The following PRKCE variants were observed in gnomAD, a reference collection of about 807,000 sequenced individuals.
The protein encoded by PRKCE is protein kinase C epsilon type.
A neutral mutation model predicts 85.4 loss-of-function variants in PRKCE; 16 were observed. The ratio of observed to expected loss-of-function variants is 0.19; its 90% confidence interval spans 0.13 to 0.28. The LOEUF is 0.28. Ranked by LOEUF, PRKCE falls within the 10% of genes least tolerant of loss-of-function variation. The pLI is 1.00. For missense variants in PRKCE, 573 were observed against 975.2 expected (o/e 0.59, Z 5.49); for synonymous variants, 388 against 371.5 (o/e 1.04, Z -0.51).
chr2:46,031,489 C>T (rs1044008251), intron 10 of PRKCE, among the ~76,000 whole-genome samples: 8 of 152,060 alleles, frequency 5.3e-5, no homozygotes, highest in South Asian at 2.1e-4. Context: ...ATACATACCA[C>T]GACTAGCTAT....
intron 1 of PRKCE, among the ~76,000 whole-genome samples, chr2:45,682,438 T>A (rs936795001): frequency 2.9e-4 from 44 of 152,240 alleles, no homozygotes; most frequent in African/African-American, 1.1e-3. Flanking sequence ...ATTTATTTAT[T>A]TTTTTTGAGA....
intron 2 of PRKCE, among the ~76,000 whole-genome samples, chr2:45,888,536 G>A (rs987855165): frequency 4.2e-5 from 6 of 141,560 alleles, no homozygotes; most frequent in Admixed American, 7.7e-5. Flanking sequence ...GCAATGGCGC[G>A]ATCTCCTGGG....
chr2:45,851,992 C>T (rs950141412), intron 2 of PRKCE: 5 of 152,348 alleles, frequency 3.3e-5, no homozygotes, highest in African/African-American at 1.2e-4. Context: ...ACTCCAGGAA[C>T]CACTTGCCTC....
At chr2:45,947,054 C>A (rs1038031197) in intron 2 of PRKCE, among the ~76,000 whole-genome samples, 2 of 152,238 alleles carry the variant, frequency 1.3e-5, no homozygotes, top group Non-Finnish European at 2.9e-5. Flanking sequence ...CAACCTCTCT[C>A]CATCACCTGG....
rs151174165 is a variant in PRKCE at position 46,020,842 on chromosome 2, G to C, written c.1437+10325G>C. Among the ~76,000 whole-genome samples the C allele has an allele frequency of 3.2e-3, 493 of 152,318 alleles. 1 individual carries two copies. Among genetic ancestry groups the C allele is most frequent in the African/African-American group, 0.011 (474 of 41,554 alleles). On this transcript the variant is annotated intron_variant, in intron 10 of 14. Coordinates refer to ENST00000306156, the MANE Select transcript of PRKCE (RefSeq NM_005400.3). ...AAGACAGTATGTGATAAAGAGGAAGGAGAGACGTATTTATTGAGCACCTAT... is the reference window on the plus strand; with the variant it reads ...AAGACAGTATGTGATAAAGAGGAAGCAGAGACGTATTTATTGAGCACCTAT...
chr2:45,961,244 C>G (rs572708640), intron 2 of PRKCE, among the ~76,000 whole-genome samples: 1 of 152,172 alleles, frequency 6.6e-6, no homozygotes, highest in African/African-American at 2.4e-5. Context: ...TTTCCCCCCC[C>G]GATTTGGTTG....
At chr2:46,099,077 G>T (rs1329387417) in intron 11 of PRKCE, among the ~76,000 whole-genome samples, 2 of 152,044 alleles carry the variant, frequency 1.3e-5, no homozygotes, top group Non-Finnish European at 2.9e-5. Flanking sequence ...TTGCTTCTGG[G>T]TCTCTTCTTC....
intron 12 of PRKCE, among the ~76,000 whole-genome samples, chr2:46,150,820 GA>G (rs1161223876): frequency 6.6e-6 from 1 of 152,214 alleles, no homozygotes; most frequent in African/African-American, 2.4e-5. Flanking sequence ...CTGGAAGACA[GA>G]CTGTCGATGT....
chr2:45,842,131 A>C (rs1691401239), intron 1 of PRKCE, among the ~76,000 whole-genome samples: 1 of 152,166 alleles, frequency 6.6e-6, no homozygotes, highest in African/African-American at 2.4e-5. Flanking sequence ...GATGTCTTTA[A>C]CTACAAGAGG....
At chr2:45,956,687 A>T (rs1361259210) in intron 2 of PRKCE, among the ~76,000 whole-genome samples, 1 of 152,186 alleles carries the variant, frequency 6.6e-6, no homozygotes, top group Non-Finnish European at 1.5e-5. Flanking sequence ...TCGGTCTCAC[A>T]CAAAGAAAAA....
intron 1 of PRKCE, among the ~76,000 whole-genome samples, chr2:45,801,359 A>G (rs1687852176): frequency 6.7e-6 from 1 of 150,050 alleles, no homozygotes; most frequent in Non-Finnish European, 1.5e-5. Context: ...GGAGAAGGCC[A>G]GAGGAGGGAA....
chr2:45,955,149 A>T (rs548386477), intron 2 of PRKCE, among the ~76,000 whole-genome samples: 1 of 152,148 alleles, frequency 6.6e-6, no homozygotes, highest in Non-Finnish European at 1.5e-5. Flanking sequence ...AATAGTAAAG[A>T]CTCCAAGTAC....
intron 9 of PRKCE, among the ~76,000 whole-genome samples, chr2:46,008,861 G>A (rs1440654902): frequency 6.6e-6 from 1 of 152,222 alleles, no homozygotes; most frequent in Non-Finnish European, 1.5e-5. Context: ...GAACTTAGAT[G>A]ACTTTGGAGC....
intron 2 of PRKCE, among the ~76,000 whole-genome samples, chr2:45,854,483 A>G (rs1332386889): frequency 1.3e-5 from 2 of 152,208 alleles, no homozygotes; most frequent in Non-Finnish European, 2.9e-5. Context: ...ATGATGAGGT[A>G]TAGTGGGAGG....
intron 3 of PRKCE, among the ~76,000 whole-genome samples, chr2:45,977,708 A>G (rs1702570508): frequency 1.3e-5 from 2 of 151,992 alleles, no homozygotes; most frequent in Non-Finnish European, 2.9e-5. Flanking sequence ...GCCCCATTCC[A>G]CTAACAATAC....
At chr2:45,748,337 A>T (rs941375121) in intron 1 of PRKCE, among the ~76,000 whole-genome samples, 1 of 152,236 alleles carries the variant, frequency 6.6e-6, no homozygotes, top group African/African-American at 2.4e-5. Flanking sequence ...TAAGAGTGGC[A>T]GAAGCAGGAT....
At chr2:46,144,763 T>A (rs760611074) in intron 11 of PRKCE, among the ~76,000 whole-genome samples, 3 of 152,218 alleles carry the variant, frequency 2.0e-5, no homozygotes, top group African/African-American at 4.8e-5. Flanking sequence ...TGCTTCTTTC[T>A]TTCATAGCAG....
At chr2:45,796,805 T>A (rs76648642) in intron 1 of PRKCE, among the ~76,000 whole-genome samples, 1,703 of 152,282 alleles carry the variant, frequency 0.011, 29 homozygotes, top group African/African-American at 0.039. Context: ...TTTGTAGAGA[T>A]GGGGGTCTCA....
rs1038162090 is a variant in PRKCE at position 46,159,381 on chromosome 2, A to T, written c.1921-225A>T. ...TGATAGTACCTCGTAGGGCATTAGG[A>T]TGAAATGAGTTGATACATGTACCAT... On this transcript the variant is annotated intron_variant, in intron 13 of 14. Transcript: ENST00000306156. The surrounding 1 kb of genome is among the most constrained non-coding windows in gnomAD (Gnocchi z 4.1). Among the ~76,000 whole-genome samples, 14 of 152,188 alleles carry T rather than the reference A, an allele frequency of 9.2e-5. No homozygotes were observed. The highest frequency in any genetic ancestry group is 3.4e-4 in the African/African-American group (14 of 41,448).
Sources: gnomAD v4.1 joint callset for allele counts (sites outside exome capture counted in the v4.1 genomes callset) on GRCh38, gnomAD v4.1.1 for gene constraint, Gnocchi (gnomAD v3.1) non-coding constraint, MANE v1.5 for transcripts, NCBI Gene and HGNC (gene_info 2026-07-23, HGNC 2026-07-21) for gene names.